Variants in HS3ST4 observed in about 807,000 individuals in gnomAD.
The protein encoded by HS3ST4 is heparan sulfate-glucosamine 3-sulfotransferase 4, also known as heparan sulfate glucosamine 3-O-sulfotransferase 4.
Under a neutral mutation model 29.2 loss-of-function variants are expected in HS3ST4, and 17 were observed. The observed-to-expected ratio is 0.58, with a 90% CI of 0.40 to 0.87. HS3ST4 has a LOEUF of 0.87. Among genes scored for constraint, HS3ST4 ranks in the 40% least tolerant of loss-of-function variants. The pLI is 0.00. For synonymous variants in HS3ST4, 314 were observed against 285.7 expected (o/e 1.10, Z -1.00); for missense variants, 627 against 634.5 (o/e 0.99, Z 0.13).
chr16:26,079,157 T>C (rs1938990794), intron 1 of HS3ST4, among the ~76,000 whole-genome samples: 1 of 152,188 alleles, frequency 6.6e-6, no homozygotes, highest in African/African-American at 2.4e-5. Flanking sequence ...AGATATAGTT[T>C]ACAAGGCTAC....
intron 1 of HS3ST4, among the ~76,000 whole-genome samples, chr16:25,883,167 T>C (rs925776341): frequency 4.8e-4 from 54 of 113,462 alleles, no homozygotes; most frequent in Non-Finnish European, 9.2e-4. Context: ...TTTTTTTTTT[T>C]CAGACAAAAA....
chr16:25,915,767 G>A (rs1216061598), intron 1 of HS3ST4, among the ~76,000 whole-genome samples: 2 of 152,346 alleles, frequency 1.3e-5, no homozygotes, highest in South Asian at 2.1e-4. Flanking sequence ...GTCTTGGAGT[G>A]TAGACAGGGT....
chr16:26,133,535 T>C (rs911341061), intron 1 of HS3ST4, among the ~76,000 whole-genome samples: 65 of 152,310 alleles, frequency 4.3e-4, no homozygotes, highest in Non-Finnish European at 8.7e-4. Flanking sequence ...GCATGGTTGT[T>C]TATGGCCAGG....
chr16:25,977,203 T>C (rs1968953200), intron 1 of HS3ST4, among the ~76,000 whole-genome samples: 1 of 152,186 alleles, frequency 6.6e-6, no homozygotes. Context: ...GAGGACTAAT[T>C]CTCGCTTTGC....
intron 1 of HS3ST4, among the ~76,000 whole-genome samples, chr16:25,993,576 T>C (rs72778334): frequency 0.18 from 27,999 of 151,884 alleles, 2,675 homozygotes; most frequent in South Asian, 0.22. Context: ...ACCTGGGACT[T>C]GTCATTTAAC....
intron 1 of HS3ST4, among the ~76,000 whole-genome samples, chr16:25,897,023 G>C (rs1044862909): frequency 2.0e-5 from 3 of 152,150 alleles, no homozygotes; most frequent in African/African-American, 7.2e-5. Flanking sequence ...AGGGAACACG[G>C]GTTGAAAAAC....
intron 1 of HS3ST4, among the ~76,000 whole-genome samples, chr16:26,107,681 A>T (rs1203271913): frequency 6.6e-6 from 1 of 152,214 alleles, no homozygotes; most frequent in East Asian, 1.9e-4. Flanking sequence ...ACATAGAATA[A>T]TGGCCTCCAG....
In HS3ST4 at chr16:26,129,879, T is replaced by C. The variant is rs1008458669; in HGVS notation, c.735-5733T>C. On this transcript the variant is annotated intron_variant, in intron 1 of 1. Coordinates refer to ENST00000331351, the MANE Select transcript of HS3ST4 (RefSeq NM_006040.3). ...GCACTCAGTGAATGGCTGTGCTCAG[T>C]CTAGGCTGCATGTTAACTATTGTTA... Among the ~76,000 whole-genome samples the C allele has an allele frequency of 3.3e-5, 5 of 152,104 alleles. No homozygotes were observed. In the East Asian group the frequency reaches 5.8e-4, roughly 18 times the overall value.
At chr16:25,931,325 C>G (rs140200394) in intron 1 of HS3ST4, among the ~76,000 whole-genome samples, 21 of 152,324 alleles carry the variant, frequency 1.4e-4, no homozygotes, top group African/African-American at 4.3e-4. Context: ...TGTGCTTCCC[C>G]TCCCTACAGA....
rs200811293 is a variant in HS3ST4, at chr16:25,858,007, TTCTG to T, written c.734+164860_734+164863del. Among the ~76,000 whole-genome samples the T allele has an allele frequency of 8.8e-3, 1,314 of 149,278 alleles. 11 individuals are homozygous for T. The highest frequency in any genetic ancestry group is 0.014 in the Non-Finnish European group (913 of 66,986). On this transcript the variant is annotated intron_variant, in intron 1 of 1. Coordinates refer to ENST00000331351, the MANE Select transcript of HS3ST4 (RefSeq NM_006040.3). ...TCTTTCTTTTTCTTCCTTCTTTTCTTTCTGTCTTTTTCTTTCTTTCCTCTTTCTC... is the reference window on the plus strand; with the variant it reads ...TCTTTCTTTTTCTTCCTTCTTTTCTTTCTTTTTCTTTCTTTCCTCTTTCTC...
intron 1 of HS3ST4, among the ~76,000 whole-genome samples, chr16:25,964,056 T>G (rs1171721404): frequency 6.6e-6 from 1 of 151,542 alleles, no homozygotes; most frequent in Non-Finnish European, 1.5e-5. Flanking sequence ...ATGCCTGTAA[T>G]CCCAGCCACT....
At chr16:25,719,943 T>C (rs546829096) in intron 1 of HS3ST4, among the ~76,000 whole-genome samples, 2 of 152,346 alleles carry the variant, frequency 1.3e-5, no homozygotes, top group African/African-American at 4.8e-5. Context: ...CTCATTGTAG[T>C]GTCTGGCCCA....
chr16:25,759,820 C>T (rs1966778591), intron 1 of HS3ST4, among the ~76,000 whole-genome samples: 3 of 151,780 alleles, frequency 2.0e-5, no homozygotes, highest in African/African-American at 4.8e-5. Flanking sequence ...CCCAGCTACT[C>T]GGGAGGCTGC....
intron 1 of HS3ST4, among the ~76,000 whole-genome samples, chr16:25,820,614 T>C (rs1404684252): frequency 6.6e-6 from 1 of 151,988 alleles, no homozygotes; most frequent in Non-Finnish European, 1.5e-5. Flanking sequence ...TTTTTATTTT[T>C]TTGTAGAGAC....
intron 1 of HS3ST4, among the ~76,000 whole-genome samples, chr16:25,849,350 A>G (rs1402902606): frequency 2.0e-5 from 3 of 152,228 alleles, no homozygotes; most frequent in East Asian, 3.8e-4. Flanking sequence ...GTTAACTGTC[A>G]TCATTAAAAT....
chr16:25,873,312 ATCCATCCATCCT>A (rs757006331), intron 1 of HS3ST4, among the ~76,000 whole-genome samples: 31,080 of 133,682 alleles, frequency 0.23, 3,564 homozygotes, highest in Non-Finnish European at 0.3. Flanking sequence ...CCATCCATCC[ATCCATCCATCCT>A]TCCTTCCTTC....
intron 1 of HS3ST4, among the ~76,000 whole-genome samples, chr16:25,831,876 C>A (rs946061026): frequency 1.3e-5 from 2 of 151,656 alleles, no homozygotes; most frequent in Non-Finnish European, 2.9e-5. Flanking sequence ...GAGGTCAAGG[C>A]AGGAGGATTG....
chr16:25,805,843 C>T (rs1457642780), intron 1 of HS3ST4, among the ~76,000 whole-genome samples: 2 of 152,116 alleles, frequency 1.3e-5, no homozygotes, highest in African/African-American at 4.8e-5. Flanking sequence ...TTTCCTAATG[C>T]TCCCTCCCCT....
At chr16:26,010,430 G>T (rs1336163865) in intron 1 of HS3ST4, among the ~76,000 whole-genome samples, 1 of 151,672 alleles carries the variant, frequency 6.6e-6, no homozygotes, top group African/African-American at 2.4e-5. Context: ...CTCTAGCCTG[G>T]GAGACAGAGT....
Sources: gnomAD v4.1 joint callset for allele counts (sites outside exome capture counted in the v4.1 genomes callset) on GRCh38, gnomAD v4.1.1 for gene constraint, MANE v1.5 for transcripts, NCBI Gene and HGNC (gene_info 2026-07-23, HGNC 2026-07-21) for gene names.